TTC19: variants seen among roughly 807,000 people sequenced by gnomAD.
TTC19 encodes the protein tetratricopeptide repeat domain 19.
Under a neutral mutation model 49.5 loss-of-function variants are expected in TTC19, and 38 were observed. The observed-to-expected ratio is 0.77, with a 90% CI of 0.59 to 1.01. The LOEUF (loss-of-function observed/expected upper bound fraction) is 1.01, where lower values mean the gene tolerates loss of function less well. Among genes scored for constraint, TTC19 ranks in the 50% least tolerant of loss-of-function variants. TTC19 has a pLI of 0.00. For missense variants in TTC19, 475 were observed against 477.7 expected (o/e 0.99, Z 0.05); for synonymous variants, 204 against 185.2 (o/e 1.10, Z -0.83).
intron 7 of TTC19, 126 bp downstream of exon 7, chr17:16,006,694 G>T (rs1970919375): frequency 1.5e-6 from 1 of 663,230 alleles, no homozygotes; most frequent in Non-Finnish European, 2.7e-6. Flanking sequence ...ATAAGTGTCT[G>T]TCTTTAAGGT....
intron 6 of TTC19, among the ~76,000 whole-genome samples, chr17:16,005,522 G>A (rs1195730448): frequency 6.6e-6 from 1 of 152,126 alleles, no homozygotes; most frequent in East Asian, 1.9e-4. Flanking sequence ...AACCAAAGCT[G>A]AGCTCCTAAA....
At chr17:16,001,483 T>C (rs1970731140) in intron 2 of TTC19, among the ~76,000 whole-genome samples, 1 of 152,202 alleles carries the variant, frequency 6.6e-6, no homozygotes, top group Non-Finnish European at 1.5e-5. Flanking sequence ...TAGCTGTCAC[T>C]TCCTTGGAAG....
At chr17:16,009,446 A>G (rs1291450655) in intron 7 of TTC19, among the ~76,000 whole-genome samples, 1 of 152,196 alleles carries the variant, frequency 6.6e-6, no homozygotes, top group Non-Finnish European at 1.5e-5. Context: ...ATGATACTGT[A>G]TATCCTACTT....
chr17:16,012,462 G>A (rs1178620216), intron 7 of TTC19, among the ~76,000 whole-genome samples: 1 of 152,110 alleles, frequency 6.6e-6, no homozygotes, highest in African/African-American at 2.4e-5. Flanking sequence ...CTGGGTGACA[G>A]AGCAAGACCC....
In TTC19 at chr17:16,028,817, T is replaced by TAAA; in HGVS notation, c.*1295_*1296insAAA. 1 of 90,626 alleles carries TAAA rather than the reference T, an allele frequency of 1.1e-5. No homozygotes were observed. The highest frequency in any genetic ancestry group is 1.9e-5 in the Non-Finnish European group (1 of 52,074). 5.6% of individuals were successfully genotyped at this position (90,626 alleles called of 1,614,324 possible). ...TGTATCCCAGTAATCTTTGCATTTC[T>TAAA]CAAAAAAAAAAAAAAAAAAAAAAAA... On this transcript the variant is annotated 3_prime_UTR_variant, in exon 10 of 10. Transcript: ENST00000261647.
intron 3 of TTC19, 24 bp from the exon 4 acceptor site, chr17:16,002,769 A>G: frequency 6.2e-7 from 1 of 1,613,288 alleles, no homozygotes; most frequent in Non-Finnish European, 8.5e-7. Flanking sequence ...CTAAACTGAA[A>G]AACAATTTGT....
chr17:16,032,327 T>C (rs888138400), downstream of TTC19: 2 of 1,614,098 alleles, frequency 1.2e-6, no homozygotes, highest in Non-Finnish European at 1.7e-6. Context: ...GGTCTCGTAC[T>C]GTGCTGAGAG....
intron 7 of TTC19, chr17:16,024,522 G>T (rs1284564598): frequency 3.8e-5 from 6 of 158,472 alleles, no homozygotes; most frequent in African/African-American, 1.5e-4. Context: ...AGCCAGGATG[G>T]TCTCAATCTC....
At chr17:16,041,891 T>C (rs1287252619) in intron 2 of TTC19, among the ~76,000 whole-genome samples, 5 of 152,124 alleles carry the variant, frequency 3.3e-5, no homozygotes, top group South Asian at 2.1e-4. Context: ...CGCCCGCCAC[T>C]ATGCCTGGCT....
At chr17:16,005,653 T>G (rs986912186) in intron 6 of TTC19, among the ~76,000 whole-genome samples, 1 of 152,178 alleles carries the variant, frequency 6.6e-6, no homozygotes, top group Non-Finnish European at 1.5e-5. Flanking sequence ...CAGAGTTGGG[T>G]TAAATGACTT....
At position 16,026,604 on chromosome 17, in the gene TTC19, A is replaced by C; in HGVS notation, c.896A>C (p.Tyr299Ser). ...LDAQGRFDEA[Y>S]IYMQRASDLA... ...GCACAGGGCCGCTTTGATGAGGCCT[A>C]TATTTATATGCAAAGGGCATCAGAT... The change falls in exon 9 of 10, where the codon TAT becomes TCT. Residue 299 changes from tyrosine (Y) to serine (S), a missense_variant. By Grantham distance (144) the Tyr-to-Ser change is moderately radical (BLOSUM62 -2). Transcript: ENST00000261647. The C allele has an allele frequency of 6.2e-7, 1 of 1,614,172 alleles. No individual in the cohort carries two copies. The highest frequency in any genetic ancestry group is 8.5e-7 in the Non-Finnish European group (1 of 1,179,994).
Position 16,027,529 on chromosome 17 carries a change from T to C in TTC19, c.*7T>C, listed in dbSNP as rs780458204. 9.3e-6 allele frequency: 15 copies of C among 1,613,622 alleles called. No individual in the cohort carries two copies. In the Admixed American group the frequency reaches 2.5e-4, roughly 27 times the overall value. ...AAATTCTGTCAAGCTCTAAATCCAT[T>C]TTTGTGTAGGGAGAATAATGTCTAG... On this transcript the variant is annotated 3_prime_UTR_variant, in exon 10 of 10. Coordinates refer to ENST00000261647, the MANE Select transcript of TTC19 (RefSeq NM_017775.4).
At position 16,027,792 on chromosome 17, in the gene TTC19, GTCTAAGTAGAACTGTAGAT is replaced by G. The variant is rs1397347806; in HGVS notation, c.*273_*291del. The G allele has an allele frequency of 1.9e-6, 1 of 535,026 alleles. No homozygotes were observed. The highest frequency in any genetic ancestry group is 2.2e-5 in the Admixed American group (1 of 44,864). The allele number at this position is 535,026 out of a possible 1,614,324, so 33.1% of individuals were successfully genotyped here. ...ACGTGACTTGGTGCTGTCCCTGCTG[GTCTAAGTAGAACTGTAGAT>G]TCATATGGGCTGGTGTTCCTGTGCG... On this transcript the variant is annotated 3_prime_UTR_variant, in exon 10 of 10. Transcript: ENST00000261647.
chr17:16,040,448 A>G, intron 2 of TTC19: 1 of 1,613,704 alleles, frequency 6.2e-7, no homozygotes, highest in African/African-American at 1.3e-5. Flanking sequence ...TACCTGACGT[A>G]GTAACTGCTG....
exon 3 of TTC19, chr17:16,044,721 C>A: frequency 1.4e-6 from 1 of 730,482 alleles, no homozygotes; most frequent in Non-Finnish European, 2.5e-6. Flanking sequence ...CTCGTTAAAG[C>A]AGCTGGTGTA....
Position 16,028,538 on chromosome 17 carries a change from AGAGC to A in TTC19, c.*1017_*1020del, listed in dbSNP as rs1349626008. The A allele has an allele frequency of 2.2e-6, 1 of 454,098 alleles. No individual in the cohort carries two copies. The highest frequency in any genetic ancestry group is 1.6e-5 in the South Asian group (1 of 64,474). 28.1% of individuals were successfully genotyped at this position (454,098 alleles called of 1,614,324 possible). On this transcript the variant is annotated 3_prime_UTR_variant, in exon 10 of 10. Coordinates refer to ENST00000261647, the MANE Select transcript of TTC19 (RefSeq NM_017775.4). ...TGAATGAATAGACTGCTGTGCTGAA[AGAGC>A]TTTATCACACTGTCTCAAAGTATGT...
At chr17:16,007,696 T>A (rs1161785413) in intron 7 of TTC19, among the ~76,000 whole-genome samples, 1 of 152,228 alleles carries the variant, frequency 6.6e-6, no homozygotes, top group Non-Finnish European at 1.5e-5. Flanking sequence ...TGGACAAAGA[T>A]GATTCATGTC....
chr17:16,008,408 T>TG (rs1390510507), intron 7 of TTC19, among the ~76,000 whole-genome samples: 2 of 152,202 alleles, frequency 1.3e-5, no homozygotes, highest in Non-Finnish European at 2.9e-5. Context: ...GAATTGTCCA[T>TG]GATTTCTTCC....
intron 2 of TTC19, among the ~76,000 whole-genome samples, chr17:16,041,453 A>G (rs898765479): frequency 6.3e-5 from 5 of 79,226 alleles, no homozygotes; most frequent in East Asian, 2.3e-4. Context: ...TATTCTTGTC[A>G]CCCAGGCTGG....
Sources: gnomAD v4.1 joint callset for allele counts (sites outside exome capture counted in the v4.1 genomes callset) on GRCh38, gnomAD v4.1.1 for gene constraint, MANE v1.5 for transcripts, NCBI Gene and HGNC (gene_info 2026-07-23, HGNC 2026-07-21) for gene names.